SERPINI1: variants seen among roughly 807,000 people sequenced by gnomAD.
The protein encoded by SERPINI1 is neuroserpin.
Under a neutral mutation model 41.1 loss-of-function variants are expected in SERPINI1, and 19 were observed. The ratio of observed to expected loss-of-function variants is 0.46; its 90% CI spans 0.32 to 0.68. The LOEUF (loss-of-function observed/expected upper bound fraction) is 0.68. Among genes scored for constraint, SERPINI1 ranks in the 30% least tolerant of loss-of-function variants. The pLI, the probability that SERPINI1 is intolerant of heterozygous loss-of-function variation, is 0.03. For synonymous variants in SERPINI1, 138 were observed against 156.6 expected, an observed-to-expected ratio of 0.88 and a Z score of 0.89; for missense variants, 460 against 479.2, an observed-to-expected ratio of 0.96 and a Z score of 0.37.
At chr3:167,785,117 T>G (rs1727265315) in intron 1 of SERPINI1, among the ~76,000 whole-genome samples, 2 of 152,026 alleles carry the variant, frequency 1.3e-5, no homozygotes, top group Admixed American at 1.3e-4. Context: ...GGCATGCGCC[T>G]GTAGTAGTCT....
At chr3:167,768,012 T>C (rs539676255) in intron 1 of SERPINI1, among the ~76,000 whole-genome samples, 37 of 152,216 alleles carry the variant, frequency 2.4e-4, no homozygotes, top group Non-Finnish European at 4.6e-4. Context: ...AATGGTAGGG[T>C]TTGAGAGGAC....
intron 6 of SERPINI1, among the ~76,000 whole-genome samples, chr3:167,818,248 G>C (rs902178469): frequency 6.6e-6 from 1 of 150,796 alleles, no homozygotes; most frequent in African/African-American, 2.4e-5. Flanking sequence ...CCCTGGTCTC[G>C]AACTCCTGAC....
chr3:167,799,026 T>C (rs77880218), intron 5 of SERPINI1, among the ~76,000 whole-genome samples: 5,049 of 152,212 alleles, frequency 0.033, 286 homozygotes, highest in African/African-American at 0.11. Flanking sequence ...CATATTAAAA[T>C]GCCTTTATAT....
chr3:167,792,124 AAAAC>A (rs201235281), intron 3 of SERPINI1, among the ~76,000 whole-genome samples: 165 of 152,224 alleles, frequency 1.1e-3, no homozygotes, highest in Middle Eastern at 6.8e-3. Context: ...GACTGTTTGT[AAAAC>A]AAACAAACAA....
chr3:167,740,990 T>C (rs1427166219), intron 1 of SERPINI1, among the ~76,000 whole-genome samples: 3 of 152,246 alleles, frequency 2.0e-5, no homozygotes, highest in Non-Finnish European at 2.9e-5. Context: ...AAAGGCTGCA[T>C]TGAGAGACCT....
intron 1 of SERPINI1, among the ~76,000 whole-genome samples, chr3:167,769,067 C>T (rs1164969483): frequency 1.3e-5 from 2 of 152,146 alleles, no homozygotes; most frequent in African/African-American, 4.8e-5. Context: ...GATCTCAGCT[C>T]ACTGCAACCT....
At chr3:167,740,705 T>TGCGC (rs1266968726) in intron 1 of SERPINI1, among the ~76,000 whole-genome samples, 1 of 152,218 alleles carries the variant, frequency 6.6e-6, no homozygotes, top group Non-Finnish European at 1.5e-5. Flanking sequence ...ACTGCAAACT[T>TGCGC]GCGCGCGCGC....
intron 1 of SERPINI1, among the ~76,000 whole-genome samples, chr3:167,781,634 C>CTT (rs757785091): frequency 1.0e-3 from 85 of 81,742 alleles, no homozygotes; most frequent in African/African-American, 3.2e-3. Context: ...TTCTTTTGGC[C>CTT]TTTTTTTTTT....
intron 1 of SERPINI1, among the ~76,000 whole-genome samples, chr3:167,748,303 A>G (rs1406273853): frequency 1.3e-5 from 2 of 152,234 alleles, no homozygotes; most frequent in Non-Finnish European, 2.9e-5. Context: ...AGCAATAAAT[A>G]GACAAAAATA....
At chr3:167,782,538 GTAAT>G (rs748770486) in intron 1 of SERPINI1, among the ~76,000 whole-genome samples, 13 of 152,144 alleles carry the variant, frequency 8.5e-5, no homozygotes, top group East Asian at 1.9e-4. Context: ...CCTACTATGT[GTAAT>G]TAATTAGGTG....
chr3:167,810,260 G>A (rs1711824282), intron 6 of SERPINI1, among the ~76,000 whole-genome samples: 1 of 151,872 alleles, frequency 6.6e-6, no homozygotes, highest in Non-Finnish European at 1.5e-5. Context: ...GATGATTAAT[G>A]TCTATAACTC....
intron 1 of SERPINI1, among the ~76,000 whole-genome samples, chr3:167,759,400 G>GTGTATATATATATATATATATATATA (rs964402772): frequency 1.0e-3 from 121 of 121,150 alleles, no homozygotes; most frequent in Non-Finnish European, 1.2e-3. Context: ...AGAAAATGTG[G>GTGTATATATATATATATATATATATA]TATATATATA....
At chr3:167,792,531 G>A in intron 3 of SERPINI1, 59 bp from the exon 4 acceptor site, 4 of 1,421,106 alleles carry the variant, frequency 2.8e-6, no homozygotes, top group Non-Finnish European at 3.9e-6. Flanking sequence ...AAATCTTCTG[G>A]TCCCCCTTGA....
At chr3:167,808,129 A>C (rs1004225874) in intron 6 of SERPINI1, among the ~76,000 whole-genome samples, 1 of 82,464 alleles carries the variant, frequency 1.2e-5, no homozygotes, top group African/African-American at 6.2e-5. Context: ...AAAAAATAGT[A>C]ATGATAATAA....
chr3:167,744,996 T>C (rs568611956), intron 1 of SERPINI1, among the ~76,000 whole-genome samples: 1 of 150,086 alleles, frequency 6.7e-6, no homozygotes, highest in African/African-American at 2.4e-5. Context: ...GAACCTAATA[T>C]AGTAAAGAGG....
intron 1 of SERPINI1, among the ~76,000 whole-genome samples, chr3:167,788,712 T>C (rs778967496): frequency 1.3e-5 from 2 of 152,252 alleles, no homozygotes; most frequent in Non-Finnish European, 2.9e-5. Flanking sequence ...AGTGACATTT[T>C]CAAATGCCTA....
chr3:167,802,608 A>C (rs1380361817), intron 5 of SERPINI1, among the ~76,000 whole-genome samples: 18 of 150,860 alleles, frequency 1.2e-4, no homozygotes, highest in Non-Finnish European at 2.4e-4. Context: ...AATGGCAATC[A>C]TTAAAAAGTC....
At chr3:167,772,860 C>CTATATATA (rs1577409622) in intron 1 of SERPINI1, among the ~76,000 whole-genome samples, 9 of 23,478 alleles carry the variant, frequency 3.8e-4, no homozygotes, top group Non-Finnish European at 5.4e-4. Context: ...CTCTCTCTCT[C>CTATATATA]TCTCTATATA....
At chr3:167,766,040 C>T (rs186978665) in intron 1 of SERPINI1, among the ~76,000 whole-genome samples, 1 of 152,258 alleles carries the variant, frequency 6.6e-6, no homozygotes, top group East Asian at 1.9e-4. Flanking sequence ...AAATTTCCCA[C>T]ACTTCCCTGT....
Sources: allele counts gnomAD v4.1 joint callset (sites outside exome capture counted in the v4.1 genomes callset), GRCh38; gene constraint gnomAD v4.1.1; transcripts MANE v1.5; gene names NCBI Gene and HGNC (gene_info 2026-07-23, HGNC 2026-07-21).